ATRNL1: variants seen among roughly 807,000 people sequenced by gnomAD.
ATRNL1 encodes the protein attractin like 1.
A neutral mutation model predicts 182.7 loss-of-function variants in ATRNL1; 95 were observed. The ratio of observed to expected loss-of-function variants is 0.52; its 90% CI spans 0.44 to 0.62. ATRNL1 has a LOEUF of 0.62. ATRNL1 is among the 20% of genes least tolerant of loss of function. The probability of loss-of-function intolerance (pLI) is 0.00; values close to 1 mark genes in which losing one functional copy is unlikely to be tolerated. For missense variants in ATRNL1, 1,471 were observed against 1,679.5 expected (o/e 0.88, Z 2.17); for synonymous variants, 576 against 568.3 (o/e 1.01, Z -0.19).
At chr10:115,148,540 G>T (rs1169328578) in intron 5 of ATRNL1, among the ~76,000 whole-genome samples, 1 of 152,016 alleles carries the variant, frequency 6.6e-6, no homozygotes, top group African/African-American at 2.4e-5. Context: ...AAAGCTTTTG[G>T]TTTTTCTCCA....
At chr10:115,267,760 T>C (rs1851667568) in intron 12 of ATRNL1, among the ~76,000 whole-genome samples, 1 of 152,064 alleles carries the variant, frequency 6.6e-6, no homozygotes, top group African/African-American at 2.4e-5. Flanking sequence ...TTCTCTAAAA[T>C]ACGTAAATTT....
At chr10:115,891,816 G>A (rs1457279864) in intron 28 of ATRNL1, among the ~76,000 whole-genome samples, 3 of 152,156 alleles carry the variant, frequency 2.0e-5, no homozygotes, top group African/African-American at 7.2e-5. Flanking sequence ...GTAAAAGTTT[G>A]TCTTTCCTTA....
At chr10:115,921,207 A>G (rs1413977466) in intron 28 of ATRNL1, among the ~76,000 whole-genome samples, 1 of 152,244 alleles carries the variant, frequency 6.6e-6, no homozygotes, top group Non-Finnish European at 1.5e-5. Flanking sequence ...TTGAAAGTAA[A>G]GGAAGCTAGG....
intron 19 of ATRNL1, among the ~76,000 whole-genome samples, chr10:115,357,572 TTCTC>T (rs1856557412): frequency 1.3e-5 from 2 of 151,734 alleles, no homozygotes; most frequent in South Asian, 4.1e-4. Flanking sequence ...AGAAGTGCCT[TTCTC>T]TCAAAGACCC....
chr10:115,358,451 T>C (rs1298405423), intron 19 of ATRNL1, among the ~76,000 whole-genome samples: 1 of 151,632 alleles, frequency 6.6e-6, no homozygotes, highest in Non-Finnish European at 1.5e-5. Flanking sequence ...TTTTTATTTT[T>C]TGCAATTTAC....
At chr10:115,323,184 A>G (rs1854673094) in intron 18 of ATRNL1, among the ~76,000 whole-genome samples, 1 of 151,420 alleles carries the variant, frequency 6.6e-6, no homozygotes, top group Non-Finnish European at 1.5e-5. Context: ...CTCCATTCCT[A>G]GTTCTCTCTG....
At chr10:115,453,937 T>TA (rs1365211927) in intron 21 of ATRNL1, among the ~76,000 whole-genome samples, 1 of 151,800 alleles carries the variant, frequency 6.6e-6, no homozygotes, top group Admixed American at 6.6e-5. Flanking sequence ...CCCTAAAACT[T>TA]AAAGTATAAT....
intron 21 of ATRNL1, among the ~76,000 whole-genome samples, 177 bp from the exon 22 acceptor site, chr10:115,461,764 G>GT (rs1208250827): frequency 2.6e-5 from 4 of 151,852 alleles, no homozygotes; most frequent in Admixed American, 1.3e-4. Flanking sequence ...CCATAACTAT[G>GT]TTTTGCTTTT....
chr10:115,356,927 A>G (rs1053982002), intron 19 of ATRNL1, among the ~76,000 whole-genome samples: 12 of 151,884 alleles, frequency 7.9e-5, no homozygotes, highest in East Asian at 1.9e-4. Context: ...TTTGAAAACT[A>G]TTCAATAGTT....
At chr10:115,254,760 T>C (rs1406691574) in intron 10 of ATRNL1, among the ~76,000 whole-genome samples, 2 of 152,236 alleles carry the variant, frequency 1.3e-5, no homozygotes, top group South Asian at 2.1e-4. Flanking sequence ...AGGGTTTTTA[T>C]GGTTTTAGGT....
chr10:115,883,000 C>T (rs1951861411), intron 28 of ATRNL1, among the ~76,000 whole-genome samples: 2 of 152,170 alleles, frequency 1.3e-5, no homozygotes, highest in South Asian at 4.1e-4. Context: ...TTACAGATGC[C>T]TCACCACTGT....
chr10:115,268,573 GAA>G, intron 13 of ATRNL1, 129 bp downstream of exon 13: 1 of 596,698 alleles, frequency 1.7e-6, no homozygotes, highest in Non-Finnish European at 3.0e-6. Flanking sequence ...AGTATATAGG[GAA>G]TCATTCACTT....
At chr10:115,921,049 T>C (rs1953042784) in intron 28 of ATRNL1, among the ~76,000 whole-genome samples, 1 of 152,224 alleles carries the variant, frequency 6.6e-6, no homozygotes, top group South Asian at 2.1e-4. Context: ...ACAGTCTAAG[T>C]TGCTCACAGA....
Position 115,903,733 on chromosome 10 carries a change from C to A in ATRNL1, c.4019-40925C>A, listed in dbSNP as rs1432542287. On this transcript the variant is annotated intron_variant, in intron 28 of 28. Transcript: ENST00000355044. Reference sequence around the variant, plus strand: ...AGAATCATCTATATTTTTCTTCTCACAGTAAAACCACATTTTCCTCCATAC... The same window carrying A: ...AGAATCATCTATATTTTTCTTCTCAAAGTAAAACCACATTTTCCTCCATAC... Among the ~76,000 whole-genome samples the A allele has an allele frequency of 2.6e-5, 4 of 152,302 alleles. No individual in the cohort carries two copies. The East Asian group carries it at 7.7e-4, about 29-fold the overall frequency.
At chr10:115,598,148 A>G (rs1430430841) in intron 26 of ATRNL1, among the ~76,000 whole-genome samples, 1 of 151,772 alleles carries the variant, frequency 6.6e-6, no homozygotes, top group African/African-American at 2.4e-5. Flanking sequence ...AAGCAAGCCC[A>G]GGCAAGCGAT....
At chr10:115,606,285 G>GA (rs1470027551) in intron 26 of ATRNL1, among the ~76,000 whole-genome samples, 3 of 151,634 alleles carry the variant, frequency 2.0e-5, no homozygotes, top group Admixed American at 2.0e-4. Context: ...CACACTCATA[G>GA]AAAAAAAATG....
chr10:115,549,422 G>C, intron 25 of ATRNL1, 36 bp from the exon 26 acceptor site: 1 of 1,526,446 alleles, frequency 6.6e-7, no homozygotes, highest in South Asian at 1.2e-5. Flanking sequence ...GTTCAAATAA[G>C]TTTTGAGCAA....
At chr10:115,231,400 T>A (rs1554899992) in intron 9 of ATRNL1, among the ~76,000 whole-genome samples, 1 of 152,124 alleles carries the variant, frequency 6.6e-6, no homozygotes. Context: ...AAGTCTTGAT[T>A]GGCATGTGTC....
At chr10:115,646,721 A>T (rs1489360874) in intron 26 of ATRNL1, among the ~76,000 whole-genome samples, 1 of 151,412 alleles carries the variant, frequency 6.6e-6, no homozygotes, top group Non-Finnish European at 1.5e-5. Flanking sequence ...ATATTCATGT[A>T]TGTGTATTAG....
Sources: gnomAD v4.1 joint callset for allele counts (sites outside exome capture counted in the v4.1 genomes callset) on GRCh38, gnomAD v4.1.1 for gene constraint, MANE v1.5 for transcripts, NCBI Gene and HGNC (gene_info 2026-07-23, HGNC 2026-07-21) for gene names.